Variants in SPTLC1 observed in about 807,000 individuals in gnomAD.
SPTLC1 encodes the protein serine palmitoyltransferase 1.
Under a neutral mutation model 68.9 loss-of-function variants are expected in SPTLC1, and 55 were observed. The observed-to-expected ratio is 0.80, with a 90% CI of 0.64 to 1.00. The LOEUF (loss-of-function observed/expected upper bound fraction) is 1.00, where lower values mean the gene tolerates loss of function less well. SPTLC1 is among the 50% of genes least tolerant of loss of function. The probability of loss-of-function intolerance (pLI) is 0.00; values close to 1 mark genes in which losing one functional copy is unlikely to be tolerated. For missense variants in SPTLC1, 449 were observed against 573.1 expected, an observed-to-expected ratio of 0.78 and a Z score of 2.21; for synonymous variants, 197 against 201.6, an observed-to-expected ratio of 0.98 and a Z score of 0.19.
chr9:92,047,420 C>A (rs765707257), intron 10 of SPTLC1, 152 bp from the exon 11 acceptor site: 20 of 773,724 alleles, frequency 2.6e-5, no homozygotes, highest in Non-Finnish European at 4.2e-5. Flanking sequence ...ATACGTGTAA[C>A]AGCAACAAGA....
intron 3 of SPTLC1, among the ~76,000 whole-genome samples, chr9:92,082,721 G>A (rs1297042914): frequency 3.3e-5 from 5 of 152,010 alleles, no homozygotes; most frequent in African/African-American, 1.2e-4. Flanking sequence ...TGTCTTTATA[G>A]CAGCATGATT....
chr9:92,084,524 T>C (rs961774610), intron 3 of SPTLC1, among the ~76,000 whole-genome samples: 1,728 of 152,298 alleles, frequency 0.011, 41 homozygotes, highest in African/African-American at 0.039. Flanking sequence ...TTTGGTTCTG[T>C]TTATATGCTG....
At chr9:92,055,196 A>G (rs1833843576) in intron 8 of SPTLC1, 1 of 983,338 alleles carries the variant, frequency 1.0e-6, no homozygotes, top group Non-Finnish European at 1.2e-6. Context: ...ACTGCACTCC[A>G]GCCTGGGCAA....
intron 8 of SPTLC1, chr9:92,054,038 T>G: frequency 1.2e-6 from 1 of 866,616 alleles, no homozygotes; most frequent in Non-Finnish European, 1.4e-6. Context: ...TCTCAGCACT[T>G]TGGGAGGCCA....
At chr9:92,087,685 G>T (rs995363731) in intron 3 of SPTLC1, among the ~76,000 whole-genome samples, 1 of 152,188 alleles carries the variant, frequency 6.6e-6, no homozygotes, top group African/African-American at 2.4e-5. Flanking sequence ...GGCTGCTCAG[G>T]GGTCAGGGGT....
intron 3 of SPTLC1, among the ~76,000 whole-genome samples, chr9:92,081,413 A>T (rs1462893515): frequency 2.6e-5 from 4 of 152,218 alleles, no homozygotes; most frequent in Non-Finnish European, 5.9e-5. Context: ...ATGTATAGGA[A>T]GCCACTAAAG....
chr9:92,080,009 A>C lies in SPTLC1; in HGVS notation c.427+7T>G. On this transcript the variant is annotated splice_region_variant and intron_variant, in intron 5 of 14. Coordinates refer to ENST00000262554, the MANE Select transcript of SPTLC1 (RefSeq NM_006415.4). ...GTAGTCTCAAAGAGAACACAACAAA[A>C]ACTTACCAAATGTGCCATAAAATCC... 2 of 1,612,012 alleles carry C rather than the reference A, an allele frequency of 1.2e-6. No homozygotes were observed. The highest frequency in any genetic ancestry group is 1.7e-6 in the Non-Finnish European group (2 of 1,178,972).
chr9:92,099,178 G>A (rs1026749665), intron 3 of SPTLC1, among the ~76,000 whole-genome samples: 1 of 152,218 alleles, frequency 6.6e-6, no homozygotes, highest in African/African-American at 2.4e-5. Context: ...GGCAGAGCAA[G>A]GTTGCTGCAT....
At chr9:92,053,858 A>G (rs1833792696) in intron 8 of SPTLC1, 2 of 700,602 alleles carry the variant, frequency 2.9e-6, no homozygotes, top group African/African-American at 1.9e-5. Context: ...CACACATGGT[A>G]AATGTAATAA....
At chr9:92,063,222 C>T (rs182660200) in intron 6 of SPTLC1, among the ~76,000 whole-genome samples, 124 of 152,172 alleles carry the variant, frequency 8.1e-4, no homozygotes, top group African/African-American at 2.7e-3. Context: ...CAGAATAATA[C>T]GGGAATACCA....
intron 3 of SPTLC1, among the ~76,000 whole-genome samples, chr9:92,102,011 A>G (rs185749816): frequency 3.9e-5 from 6 of 152,308 alleles, no homozygotes; most frequent in Non-Finnish European, 7.3e-5. Context: ...AAAGTCAAAC[A>G]CAAAGAAAAA....
At chr9:92,067,198 C>A (rs1834320469) in intron 6 of SPTLC1, among the ~76,000 whole-genome samples, 1 of 151,634 alleles carries the variant, frequency 6.6e-6, no homozygotes, top group Non-Finnish European at 1.5e-5. Flanking sequence ...ACTCAGGAGA[C>A]TGAGGCAGGA....
chr9:92,087,372 T>C (rs1835185574), intron 3 of SPTLC1, among the ~76,000 whole-genome samples: 1 of 152,150 alleles, frequency 6.6e-6, no homozygotes, highest in African/African-American at 2.4e-5. Flanking sequence ...ATCTTTGTGG[T>C]TTTATCTACT....
intron 5 of SPTLC1, chr9:92,078,934 T>C: frequency 9.3e-6 from 5 of 539,248 alleles, no homozygotes; most frequent in Non-Finnish European, 1.2e-5. Flanking sequence ...AACTTAACTG[T>C]TAAAGTAAAA....
At chr9:92,084,885 T>A (rs913586395) in intron 3 of SPTLC1, among the ~76,000 whole-genome samples, 10 of 152,186 alleles carry the variant, frequency 6.6e-5, no homozygotes, top group Non-Finnish European at 1.0e-4. Flanking sequence ...CTCTTTTTGG[T>A]TGGTAAGCTA....
chr9:92,079,366 A>G, intron 5 of SPTLC1: 1 of 1,443,388 alleles, frequency 6.9e-7, no homozygotes, highest in Non-Finnish European at 9.1e-7. Flanking sequence ...ATGAGCCACC[A>G]TGCCCGGCCT....
intron 3 of SPTLC1, among the ~76,000 whole-genome samples, chr9:92,088,610 A>G (rs1835245433): frequency 6.6e-6 from 1 of 152,250 alleles, no homozygotes; most frequent in Non-Finnish European, 1.5e-5. Context: ...CAAAGGTGCC[A>G]TAAACGTTGA....
At chr9:92,089,850 T>C (rs1333835875) in intron 3 of SPTLC1, among the ~76,000 whole-genome samples, 2 of 152,248 alleles carry the variant, frequency 1.3e-5, no homozygotes, top group East Asian at 3.9e-4. Flanking sequence ...TGAAAGCCAC[T>C]AGAAAAAACA....
chr9:92,114,111 TA>T (rs1010458159), intron 1 of SPTLC1, among the ~76,000 whole-genome samples: 311 of 140,970 alleles, frequency 2.2e-3, no homozygotes, highest in Non-Finnish European at 2.3e-3. Context: ...CCGTCTCTAT[TA>T]AAAAAAAAAA....
Sources: gnomAD v4.1 joint callset for allele counts (sites outside exome capture counted in the v4.1 genomes callset) on GRCh38, gnomAD v4.1.1 for gene constraint, MANE v1.5 for transcripts, NCBI Gene and HGNC (gene_info 2026-07-23, HGNC 2026-07-21) for gene names.